The following KIRREL3 variants were observed in gnomAD, a reference collection of about 807,000 sequenced individuals.
The protein encoded by KIRREL3 is kirre like nephrin family adhesion molecule 3.
Under a neutral mutation model 89.7 loss-of-function variants are expected in KIRREL3, and 36 were observed. That is an observed-to-expected ratio of 0.40 (90% CI 0.31 to 0.53). The LOEUF is 0.53. Among genes scored for constraint, KIRREL3 ranks in the 20% least tolerant of loss-of-function variants. The pLI, the probability that KIRREL3 is intolerant of heterozygous loss-of-function variation, is 0.49. For missense variants in KIRREL3, 864 were observed against 1,056.6 expected, an observed-to-expected ratio of 0.82 and a Z score of 2.53; for synonymous variants, 445 against 441.4, an observed-to-expected ratio of 1.01 and a Z score of -0.10.
At position 126,498,750 on chromosome 11, in the gene KIRREL3, AC is replaced by A. The variant is rs149158086; in HGVS notation, c.433+22564del. On this transcript the variant is annotated intron_variant, in intron 4 of 16. Transcript: ENST00000525144. This position sits in a 1 kb window ranked among gnomAD's most constrained non-coding sequence, Gnocchi z 4.3. ...CAGTATCCTGCTTCCTGGGAGGAGC[AC>A]CTTCCCTTCTGCACCTAAGGTTGAG... Among the ~76,000 whole-genome samples the A allele has an allele frequency of 1.3e-5, 2 of 152,258 alleles. No homozygotes were observed. Among genetic ancestry groups the A allele is most frequent in the African/African-American group, 4.8e-5 (2 of 41,566 alleles).
In KIRREL3 at chr11:126,866,735, G is replaced by A. The variant is rs1347715261; in HGVS notation, c.55+133720C>T. ...CCAGCAGAAGGACACAGTGGCAGAC[G>A]CTGGCAGGCCATCAACGGCAGGACG... On this transcript the variant is annotated intron_variant, in intron 1 of 16. Transcript: ENST00000525144. Among the ~76,000 whole-genome samples the A allele has an allele frequency of 7.2e-5, 11 of 152,180 alleles. No homozygotes were observed. In the East Asian group the frequency reaches 1.7e-3, roughly 24 times the overall value.
At chr11:126,671,238 T>C (rs1446217521) in intron 1 of KIRREL3, among the ~76,000 whole-genome samples, 2 of 147,792 alleles carry the variant, frequency 1.4e-5, no homozygotes, top group African/African-American at 2.5e-5. Flanking sequence ...TTTTCTCCTT[T>C]TTTTTTTTTT....
At chr11:126,937,706 T>C (rs533520603) in intron 1 of KIRREL3, among the ~76,000 whole-genome samples, 33 of 152,134 alleles carry the variant, frequency 2.2e-4, no homozygotes, top group South Asian at 6.2e-4. Flanking sequence ...AAGACCATCC[T>C]GGCTAACACA....
intron 1 of KIRREL3, among the ~76,000 whole-genome samples, chr11:126,660,549 AAGGG>A (rs1945349500): frequency 2.0e-5 from 3 of 152,288 alleles, no homozygotes; most frequent in African/African-American, 7.2e-5. Context: ...CATTTCCAGG[AAGGG>A]AACCCATTGC....
chr11:126,424,868 G>A lies in KIRREL3; in HGVS notation c.2049C>T (p.Ser683=), dbSNP rs370077884. 8.2e-5 allele frequency: 133 copies of A among 1,613,656 alleles called. No homozygotes were observed. Among genetic ancestry groups the A allele is most frequent in the African/African-American group, 8.0e-5 (6 of 74,948 alleles). Residue 683 remains serine (S), a synonymous_variant, in exon 17 of 17, where the codon AGC becomes AGT. Transcript: ENST00000525144. ...MSFTNIYSTL[S]GQGRLYDYGQ... ...CGTAGTCGTAGAGGCGGCCCTGGCC[G>A]CTCAGGGTGCTGTAGATGTTGGTGA...
At position 126,725,858 on chromosome 11, in the gene KIRREL3, G is replaced by C. The variant is rs111451287; in HGVS notation, c.56-162946C>G. Among the ~76,000 whole-genome samples, 4 of 152,312 alleles carry C rather than the reference G, an allele frequency of 2.6e-5. No individual in the cohort carries two copies. The East Asian group carries it at 7.7e-4, about 29-fold the overall frequency. ...GGACTTTGTCAAGTTGCTTCCCCTC[G>C]CTGAGTCTCAGTTTCCTTATCTGTA... On this transcript the variant is annotated intron_variant, in intron 1 of 16. Coordinates refer to ENST00000525144, the MANE Select transcript of KIRREL3 (RefSeq NM_032531.4).
intron 1 of KIRREL3, among the ~76,000 whole-genome samples, chr11:126,875,913 A>G (rs1163028268): frequency 1.3e-5 from 2 of 152,216 alleles, no homozygotes; most frequent in African/African-American, 4.8e-5. Flanking sequence ...AAAACATGGC[A>G]TCCCTTGAGA....
chr11:126,497,243 A>T (rs181601142), intron 4 of KIRREL3, among the ~76,000 whole-genome samples: 102 of 149,932 alleles, frequency 6.8e-4, no homozygotes, highest in Admixed American at 1.1e-3. Context: ...AGACAGTGTG[A>T]GTGTGTGCGT....
rs561153196 is a variant in KIRREL3 at position 126,796,286 on chromosome 11, G to C, written c.55+204169C>G. 1.3e-5 allele frequency among the ~76,000 whole-genome samples: 2 copies of C among 152,152 alleles called. No homozygotes were observed. Among genetic ancestry groups the C allele is most frequent in the Admixed American group, 1.3e-4 (2 of 15,268 alleles). On this transcript the variant is annotated intron_variant, in intron 1 of 16. Transcript: ENST00000525144. This position sits in a 1 kb window ranked among gnomAD's most constrained non-coding sequence, Gnocchi z 5.1. ...AAGGACTTGACCAGATGAAAAGAGAGGGGCTCGATCCATGTGAGTTCCCTG... is the reference window on the plus strand; with the variant it reads ...AAGGACTTGACCAGATGAAAAGAGACGGGCTCGATCCATGTGAGTTCCCTG...
At position 126,562,867 on chromosome 11, in the gene KIRREL3, A is replaced by C; in HGVS notation, c.101T>G (p.Met34Arg). ...CATTCTCCGAAACTTGTCCTTGGCC[A>C]TGTAGCCCAGCACCAGACAGCATCC... Reference protein sequence around the residue: ...KRGCCLVLGYMAKDKFRRMNE... With the variant: ...KRGCCLVLGYRAKDKFRRMNE... Residue 34 changes from methionine to arginine, a missense_variant, in exon 2 of 17, where the codon ATG becomes AGG. Met to Arg is a moderately conservative substitution (Grantham distance 91). Transcript: ENST00000525144. This position sits in a 1 kb window ranked among gnomAD's most constrained non-coding sequence, Gnocchi z 4.7. 6.2e-7 allele frequency: 1 copy of C among 1,613,834 alleles called. No individual in the cohort carries two copies. The highest frequency in any genetic ancestry group is 1.1e-5 in the South Asian group (1 of 91,040).
chr11:126,930,208 G>A (rs953171144), intron 1 of KIRREL3, among the ~76,000 whole-genome samples: 2 of 152,046 alleles, frequency 1.3e-5, no homozygotes, highest in Non-Finnish European at 2.9e-5. Context: ...GTAACTCAGG[G>A]TTGTTGTATG....
intron 1 of KIRREL3, among the ~76,000 whole-genome samples, chr11:126,583,733 G>A (rs896265136): frequency 1.4e-5 from 2 of 147,544 alleles, no homozygotes; most frequent in African/African-American, 4.9e-5. Flanking sequence ...CAAGCCCTCA[G>A]TACGGTGCCT....
Position 126,715,629 on chromosome 11 carries a change from A to C in KIRREL3, c.56-152717T>G, listed in dbSNP as rs1215969239. Among the ~76,000 whole-genome samples the C allele has an allele frequency of 6.6e-6, 1 of 152,190 alleles. No individual in the cohort carries two copies. The highest frequency in any genetic ancestry group is 1.5e-5 in the Non-Finnish European group (1 of 68,034). On this transcript the variant is annotated intron_variant, in intron 1 of 16. Coordinates refer to ENST00000525144, the MANE Select transcript of KIRREL3 (RefSeq NM_032531.4). This position sits in a 1 kb window ranked among gnomAD's most constrained non-coding sequence, Gnocchi z 4.4. Reference sequence around the variant, plus strand: ...GACCATTTTGCAAATCAAAAACAAGAGGAAAAGGGACTACAGCACGTGAAA... The same window carrying C: ...GACCATTTTGCAAATCAAAAACAAGCGGAAAAGGGACTACAGCACGTGAAA...
At position 126,454,388 on chromosome 11, in the gene KIRREL3, G is replaced by A. The variant is rs974118903; in HGVS notation, c.848+1961C>T. ...CCAGGTGACCAGAGCCTGGCAGTGA[G>A]GAGAAACGAAAGTCGAAAGTTGTGT... On this transcript the variant is annotated intron_variant, in intron 7 of 16. Coordinates refer to ENST00000525144, the MANE Select transcript of KIRREL3 (RefSeq NM_032531.4). This position sits in a 1 kb window ranked among gnomAD's most constrained non-coding sequence, Gnocchi z 5.8. Among the ~76,000 whole-genome samples, 3 of 152,154 alleles carry A rather than the reference G, an allele frequency of 2.0e-5. No homozygotes were observed. Among genetic ancestry groups the A allele is most frequent in the Non-Finnish European group, 4.4e-5 (3 of 68,042 alleles).
At chr11:126,552,489 C>T (rs1277324841) in intron 2 of KIRREL3, among the ~76,000 whole-genome samples, 2 of 150,578 alleles carry the variant, frequency 1.3e-5, no homozygotes, top group Non-Finnish European at 2.9e-5. Context: ...TCTCTGTTTC[C>T]AGCACTTGTA....
At position 126,576,620 on chromosome 11, in the gene KIRREL3, G is replaced by A. The variant is rs573075595; in HGVS notation, c.56-13708C>T. ...CTGTCACCAAACCCTCTCTCAGGCT[G>A]GCAGTGTGCCACCCACCACAGCTTG... On this transcript the variant is annotated intron_variant, in intron 1 of 16. Transcript: ENST00000525144. This position sits in a 1 kb window ranked among gnomAD's most constrained non-coding sequence, Gnocchi z 5.4. 6.6e-6 allele frequency among the ~76,000 whole-genome samples: 1 copy of A among 152,332 alleles called. No homozygotes were observed. The highest frequency in any genetic ancestry group is 1.5e-5 in the Non-Finnish European group (1 of 68,040).
intron 1 of KIRREL3, among the ~76,000 whole-genome samples, chr11:126,972,060 T>G (rs981020749): frequency 1.3e-5 from 2 of 152,120 alleles, no homozygotes; most frequent in African/African-American, 4.8e-5. Flanking sequence ...AATCTCCGGA[T>G]GAGTTAGAGG....
rs1486343643 is a variant in KIRREL3 at position 126,491,306 on chromosome 11, C to T, written c.434-17840G>A. On this transcript the variant is annotated intron_variant, in intron 4 of 16. Transcript: ENST00000525144. This position sits in a 1 kb window ranked among gnomAD's most constrained non-coding sequence, Gnocchi z 5.5. The stretch of plus-strand genomic sequence containing the variant: ...TCAGGTGTCCGAATGTAATGTGAGC[C>T]CAAGGAGGGCGGGCGCGTGCTGGCT... 1.3e-5 allele frequency among the ~76,000 whole-genome samples: 2 copies of T among 152,178 alleles called. No individual in the cohort carries two copies. The highest frequency in any genetic ancestry group is 6.5e-5 in the Admixed American group (1 of 15,282).
upstream of KIRREL3, chr11:127,000,787 G>C (rs1950298637): frequency 1.6e-5 from 8 of 490,752 alleles, no homozygotes; most frequent in Middle Eastern, 5.2e-4. The surrounding 1 kb of genome is among the most constrained non-coding windows in gnomAD (Gnocchi z 7.1). Flanking sequence ...TGGCATCCCA[G>C]GCACACGGCT....
Sources: gnomAD v4.1 joint callset for allele counts (sites outside exome capture counted in the v4.1 genomes callset) on GRCh38, gnomAD v4.1.1 for gene constraint, Gnocchi (gnomAD v3.1) non-coding constraint, MANE v1.5 for transcripts, NCBI Gene and HGNC (gene_info 2026-07-23, HGNC 2026-07-21) for gene names.